Variants in IQCE observed in about 807,000 individuals in gnomAD.
IQCE encodes the protein IQ motif containing E.
A neutral mutation model predicts 96.0 loss-of-function variants in IQCE; 115 were observed. The ratio of observed to expected loss-of-function variants is 1.20; its 90% CI spans 1.03 to 1.40. IQCE has a LOEUF of 1.40. Ranked by LOEUF, IQCE falls within the 40% of genes most tolerant of loss-of-function variation. The pLI is 0.00. For synonymous variants in IQCE, 412 were observed against 371.2 expected, an observed-to-expected ratio of 1.11 and a Z score of -1.26; for missense variants, 1,041 against 909.1, an observed-to-expected ratio of 1.15 and a Z score of -1.87.
intron 19 of IQCE, among the ~76,000 whole-genome samples, chr7:2,605,365 A>T (rs1028384061): frequency 1.2e-4 from 19 of 152,034 alleles, no homozygotes; most frequent in Middle Eastern, 3.2e-3. Flanking sequence ...TCACACCTGT[A>T]ATCCCAGCAC....
At chr7:2,605,057 T>A in intron 19 of IQCE, 66 bp downstream of exon 19, 1 of 1,160,310 alleles carries the variant, frequency 8.6e-7, no homozygotes, top group East Asian at 2.5e-5. Context: ...ACTCCATCCA[T>A]CGAGAAAGCG....
At position 2,572,076 on chromosome 7, in the gene IQCE, G is replaced by A. The variant is rs891160981; in HGVS notation, c.260-116G>A. 1.4e-5 allele frequency: 16 copies of A among 1,105,142 alleles called. No homozygotes were observed. In the Admixed American group the frequency reaches 1.6e-4, roughly 11 times the overall value. The allele number at this position is 1,105,142 out of a possible 1,614,324, so 68.5% of individuals were successfully genotyped here. A position where few individuals can be genotyped will look rare whatever the true frequency, so the allele number is the denominator to read the frequency against. On this transcript the variant is annotated intron_variant, in intron 4 of 21. Coordinates refer to ENST00000402050, the MANE Select transcript of IQCE (RefSeq NM_152558.5). ...AACCATTTACCAGCACGACACTGACGGCTGGCGTCTATCAGTGATTCAGCT... is the reference window on the plus strand; with the variant it reads ...AACCATTTACCAGCACGACACTGACAGCTGGCGTCTATCAGTGATTCAGCT...
At chr7:2,573,666 G>C (rs1292183609) in intron 6 of IQCE, among the ~76,000 whole-genome samples, 178 bp downstream of exon 6, 1 of 152,092 alleles carries the variant, frequency 6.6e-6, no homozygotes, top group African/African-American at 2.4e-5. Context: ...CTGGTTAAAG[G>C]CCGTAGCACC....
chr7:2,601,096 C>T (rs1414159663), intron 17 of IQCE, among the ~76,000 whole-genome samples: 3 of 152,214 alleles, frequency 2.0e-5, no homozygotes, highest in Non-Finnish European at 4.4e-5. Context: ...AGAGCTCTCA[C>T]ATTGGGCCCA....
chr7:2,594,286 T>G (rs1783846243), intron 15 of IQCE, among the ~76,000 whole-genome samples: 1 of 151,742 alleles, frequency 6.6e-6, no homozygotes, highest in East Asian at 1.9e-4. Context: ...AGAAAACATT[T>G]CATTTTCAGG....
In IQCE at chr7:2,593,027, A is replaced by G; in HGVS notation, c.1250A>G (p.Glu417Gly). 6.2e-7 allele frequency: 1 copy of G among 1,605,020 alleles called. No homozygotes were observed. Among genetic ancestry groups the G allele is most frequent in the Non-Finnish European group, 8.5e-7 (1 of 1,173,230 alleles). ...TCTCCTATTCTTGTGTGCAGTTTGG[A>G]GGTGAAGCAGCTCCTGCAGGCGAAG... ...LQEQLLQRDL[E>G]VKQLLQAKAD... Residue 417 changes from glutamate (E) to glycine (G), a missense_variant, in exon 15 of 22, where the codon GAG (glutamate) becomes GGG (glycine). Glu to Gly is a moderately conservative substitution (Grantham distance 98). Coordinates refer to ENST00000402050, the MANE Select transcript of IQCE (RefSeq NM_152558.5).
rs1055437860 is a variant in IQCE at position 2,612,273 on chromosome 7, C to T, written c.*2111C>T. On this transcript the variant is annotated 3_prime_UTR_variant, in exon 22 of 22. Coordinates refer to ENST00000402050, the MANE Select transcript of IQCE (RefSeq NM_152558.5). ...AAAAGCCAGCATCCATCTTGAAGCT[C>T]GCTGGGTAAATGGCAATGCATTCTC... 6.6e-6 allele frequency: 1 copy of T among 152,266 alleles called. No individual in the cohort carries two copies. 9.4% of individuals were successfully genotyped at this position (152,266 alleles called of 1,614,324 possible).
At chr7:2,585,956 T>C (rs992113403) in intron 11 of IQCE, among the ~76,000 whole-genome samples, 1 of 152,180 alleles carries the variant, frequency 6.6e-6, no homozygotes, top group Non-Finnish European at 1.5e-5. Context: ...AGTATAATAC[T>C]GATGGTTGAA....
Position 2,578,341 on chromosome 7 carries a change from C to T in IQCE, c.565C>T (p.Leu189=). The change falls in exon 7 of 22, where the codon CTG becomes TTG. Residue 189 remains leucine (L), a synonymous_variant. Coordinates refer to ENST00000402050, the MANE Select transcript of IQCE (RefSeq NM_152558.5). The part of the protein sequence containing the change: ...SRKDRQIEQL[L]DPSRGTDFVR... ...GAAGGACCGGCAGATAGAGCAGCTC[C>T]TGGATCCCAGCCGCGTAAGCTCCTG... 1 of 1,614,114 alleles carries T rather than the reference C, an allele frequency of 6.2e-7. No homozygotes were observed. Among genetic ancestry groups the T allele is most frequent in the Non-Finnish European group, 8.5e-7 (1 of 1,179,968 alleles).
intron 4 of IQCE, 93 bp from the exon 5 acceptor site, chr7:2,572,099 G>A (rs1033765012): frequency 7.3e-7 from 1 of 1,366,824 alleles, no homozygotes; most frequent in Non-Finnish European, 1.0e-6. Context: ...CAGTGATTCA[G>A]CTTTCTTCAA....
At chr7:2,593,244 C>T (rs928542168) in intron 15 of IQCE, 118 bp downstream of exon 15, 3 of 1,405,304 alleles carry the variant, frequency 2.1e-6, no homozygotes, top group African/African-American at 1.4e-5. Flanking sequence ...AAGGCCACAC[C>T]TCCTCACAGT....
rs1782769557 is a variant in IQCE at position 2,582,669 on chromosome 7, CCT to C, written c.701+23_701+24del. ...CCATCAGGTGGGCGCAGGGCTGCAC[CCT>C]CTCCCCTGCCTTCCGCCCCGTGTTC... is the stretch of plus-strand genomic sequence containing the variant. On this transcript the variant is annotated intron_variant, in intron 9 of 21. Coordinates refer to ENST00000402050, the MANE Select transcript of IQCE (RefSeq NM_152558.5). 6.2e-7 allele frequency: 1 copy of C among 1,607,522 alleles called. No individual in the cohort carries two copies. Among genetic ancestry groups the C allele is most frequent in the Non-Finnish European group, 8.5e-7 (1 of 1,174,772 alleles).
At chr7:2,605,202 G>T (rs577320326) in intron 19 of IQCE, among the ~76,000 whole-genome samples, 14 of 152,250 alleles carry the variant, frequency 9.2e-5, no homozygotes, top group African/African-American at 3.4e-4. Flanking sequence ...TGGCGTTAGG[G>T]CCAGATTGCG....
rs941998803 is a variant in IQCE, at chr7:2,606,016, G to T, written c.1865+19G>T. On this transcript the variant is annotated intron_variant, in intron 20 of 21. Coordinates refer to ENST00000402050, the MANE Select transcript of IQCE (RefSeq NM_152558.5). ...GGCACAGGTGAGTCAGGGTCACGGG[G>T]ACGTGGGACACAGACATGGCACGAG... 2 of 1,600,250 alleles carry T rather than the reference G, an allele frequency of 1.2e-6. No individual in the cohort carries two copies. Among genetic ancestry groups the T allele is most frequent in the Non-Finnish European group, 1.7e-6 (2 of 1,174,694 alleles).
chr7:2,596,316 A>G (rs768622700), intron 16 of IQCE, among the ~76,000 whole-genome samples: 17 of 148,012 alleles, frequency 1.1e-4, no homozygotes, highest in African/African-American at 3.2e-4. Flanking sequence ...AAAATAGAGG[A>G]GAGAGAGAGA....
At chr7:2,603,230 G>A (rs1295701537) in intron 18 of IQCE, among the ~76,000 whole-genome samples, 3 of 152,112 alleles carry the variant, frequency 2.0e-5, no homozygotes, top group South Asian at 2.1e-4. Flanking sequence ...CCAGGCTCCC[G>A]GTCCCCACAG....
At chr7:2,582,226 C>A (rs2128449331) in intron 8 of IQCE, 1 of 391,482 alleles carries the variant, frequency 2.6e-6, no homozygotes, top group African/African-American at 2.1e-5. Context: ...TGTGGTTTAT[C>A]CAGCTGGTGA....
intron 18 of IQCE, chr7:2,601,821 A>C: frequency 4.0e-6 from 1 of 248,006 alleles, no homozygotes; most frequent in Non-Finnish European, 7.7e-6. Flanking sequence ...AAGTGCAGGA[A>C]TTACAGGCGT....
chr7:2,569,790 T>C (rs571713009), intron 3 of IQCE, among the ~76,000 whole-genome samples: 1 of 152,290 alleles, frequency 6.6e-6, no homozygotes, highest in Admixed American at 6.5e-5. Context: ...TATGACGCAC[T>C]CAGAGAATAT....
Sources: gnomAD v4.1 joint callset for allele counts (sites outside exome capture counted in the v4.1 genomes callset) on GRCh38, gnomAD v4.1.1 for gene constraint, MANE v1.5 for transcripts, NCBI Gene and HGNC (gene_info 2026-07-23, HGNC 2026-07-21) for gene names.